RNF122: variants seen among roughly 807,000 people sequenced by gnomAD.
RNF122 encodes the protein ring finger protein 122.
A neutral mutation model predicts 24.2 loss-of-function variants in RNF122; 17 were observed. The observed-to-expected ratio is 0.70, with a 90% CI of 0.48 to 1.06. The LOEUF (loss-of-function observed/expected upper bound fraction) is 1.06. RNF122 is among the 50% of genes least tolerant of loss of function. The pLI, the probability that RNF122 is intolerant of heterozygous loss-of-function variation, is 0.00. For synonymous variants in RNF122, 65 were observed against 71.8 expected, an observed-to-expected ratio of 0.91 and a Z score of 0.48; for missense variants, 168 against 198.1, an observed-to-expected ratio of 0.85 and a Z score of 0.91.
intron 1 of RNF122, among the ~76,000 whole-genome samples, chr8:33,565,520 G>A (rs1003552780): frequency 6.6e-6 from 1 of 152,184 alleles, no homozygotes; most frequent in African/African-American, 2.4e-5. Context: ...GGAGCGGGTG[G>A]GGTGGGGGGC....
intron 1 of RNF122, among the ~76,000 whole-genome samples, chr8:33,562,964 AC>A (rs1810563543): frequency 6.6e-6 from 1 of 151,912 alleles, no homozygotes; most frequent in African/African-American, 2.4e-5. Flanking sequence ...GGTGGTGCAC[AC>A]CTGTAGTCCC....
intron 1 of RNF122, among the ~76,000 whole-genome samples, chr8:33,562,053 C>A (rs185488150): frequency 3.3e-5 from 5 of 152,128 alleles, no homozygotes; most frequent in African/African-American, 1.2e-4. Flanking sequence ...CTGCCTGAAA[C>A]GCTCTCTCTG....
intron 1 of RNF122, among the ~76,000 whole-genome samples, chr8:33,565,158 A>T (rs1406510324): frequency 6.6e-6 from 1 of 152,170 alleles, no homozygotes; most frequent in Non-Finnish European, 1.5e-5. Flanking sequence ...CCCAGATGCT[A>T]GGGTGCAAGG....
chr8:33,559,868 G>C, intron 1 of RNF122, among the ~76,000 whole-genome samples: 1 of 142,380 alleles, frequency 7.0e-6, no homozygotes, highest in East Asian at 2.1e-4. Context: ...TTTAAACAGA[G>C]TCTTGCTCTG....
At chr8:33,555,615 T>C (rs963960294) in intron 2 of RNF122, among the ~76,000 whole-genome samples, 2 of 152,186 alleles carry the variant, frequency 1.3e-5, no homozygotes, top group Admixed American at 6.5e-5. Context: ...TTGTGGAGCC[T>C]ATAGCGGCTC....
In RNF122 at chr8:33,558,751, G is replaced by A. The variant is rs1171047073; in HGVS notation, c.46C>T (p.Leu16=). ...GAGCAGGACTTGTTGGTGCTAACCA[G>A]TCCCAGGCCACAGAAACACCCTGCA... is the stretch of plus-strand genomic sequence containing the variant. ...WCNGCFCGLG[L]VSTNKSCSMP... Residue 16 remains leucine (L), a synonymous_variant, in exon 2 of 6, where the codon CTG becomes TTG. Coordinates refer to ENST00000256257, the MANE Select transcript of RNF122 (RefSeq NM_024787.3). 1.9e-6 allele frequency: 3 copies of A among 1,585,208 alleles called. No homozygotes were observed. The highest frequency in any genetic ancestry group is 1.1e-5 in the South Asian group (1 of 87,590).
chr8:33,567,022 C>T lies in RNF122; in HGVS notation c.-299G>A. The T allele has an allele frequency of 2.1e-6, 1 of 471,902 alleles. No individual in the cohort carries two copies. The highest frequency in any genetic ancestry group is 3.8e-6 in the Non-Finnish European group (1 of 261,756). The allele number at this position is 471,902 out of a possible 1,614,324, so 29.2% of individuals were successfully genotyped here. ...GTGGGGCGCCGCGGGGCGGGGGTGC[C>T]CGGGCTGCAGAAGCCCTCGGCCGGG... On this transcript the variant is annotated 5_prime_UTR_variant, in exon 1 of 6. Coordinates refer to ENST00000256257, the MANE Select transcript of RNF122 (RefSeq NM_024787.3).
chr8:33,564,489 C>T (rs999482659), intron 1 of RNF122, among the ~76,000 whole-genome samples: 1 of 152,128 alleles, frequency 6.6e-6, no homozygotes, highest in African/African-American at 2.4e-5. Context: ...AGGAGGATCC[C>T]TTCAGCCTGG....
Position 33,566,829 on chromosome 8 carries a change from C to A in RNF122, c.-106G>T. 1 of 1,266,210 alleles carries A rather than the reference C, an allele frequency of 7.9e-7. No individual in the cohort carries two copies. 78.4% of individuals were successfully genotyped at this position (1,266,210 alleles called of 1,614,324 possible). ...TGAGGGGCCGCAGGCGGGGTCGGGG[C>A]AGCGCGCTGCAGCCGCCCTGCTGGA... On this transcript the variant is annotated 5_prime_UTR_variant, in exon 1 of 6. Coordinates refer to ENST00000256257, the MANE Select transcript of RNF122 (RefSeq NM_024787.3).
At chr8:33,556,563 G>C (rs1810455095) in intron 2 of RNF122, among the ~76,000 whole-genome samples, 1 of 152,148 alleles carries the variant, frequency 6.6e-6, no homozygotes, top group African/African-American at 2.4e-5. Flanking sequence ...TTGGTATTTG[G>C]TGTATCTTCA....
chr8:33,564,395 A>G (rs1022171087), intron 1 of RNF122, among the ~76,000 whole-genome samples: 2 of 27,826 alleles, frequency 7.2e-5, no homozygotes, highest in African/African-American at 1.2e-3. Flanking sequence ...AAAGTAGATT[A>G]ATTAATTAAT....
chr8:33,560,259 C>T (rs899175032), intron 1 of RNF122, among the ~76,000 whole-genome samples: 2 of 152,164 alleles, frequency 1.3e-5, no homozygotes, highest in Non-Finnish European at 2.9e-5. Context: ...TACTGACTGG[C>T]CTACTCATCA....
chr8:33,561,900 C>T (rs1026385778), intron 1 of RNF122, among the ~76,000 whole-genome samples: 1 of 152,028 alleles, frequency 6.6e-6, no homozygotes, highest in Admixed American at 6.6e-5. Flanking sequence ...GGCTTCAAGT[C>T]CTCCTAAAAC....
intron 2 of RNF122, among the ~76,000 whole-genome samples, chr8:33,555,974 C>T (rs950725954): frequency 6.6e-6 from 1 of 151,954 alleles, no homozygotes; most frequent in African/African-American, 2.4e-5. Context: ...TTGAGACCAC[C>T]TTGGGTGACA....
Position 33,551,352 on chromosome 8 carries a change from A to G in RNF122, c.220T>C (p.Tyr74His), listed in dbSNP as rs1810372140. Residue 74 changes from tyrosine (Y) to histidine (H), a missense_variant, in exon 3 of 6, where the codon TAT (tyrosine) becomes CAT (histidine). Tyr to His is a moderately conservative substitution (Grantham distance 83, BLOSUM62 2). Coordinates refer to ENST00000256257, the MANE Select transcript of RNF122 (RefSeq NM_024787.3). Reference sequence around the variant, plus strand: ...AACACGCAGCACTTTACCTCCTTATATCCGTATCGCTCACTCTGTGCCTGG... The same window carrying G: ...AACACGCAGCACTTTACCTCCTTATGTCCGTATCGCTCACTCTGTGCCTGG... ...RNQAQSERYGYKEVVLKGDAK... is the reference protein window; with the variant it reads ...RNQAQSERYGHKEVVLKGDAK... 1 of 1,614,088 alleles carries G rather than the reference A, an allele frequency of 6.2e-7. No homozygotes were observed. The highest frequency in any genetic ancestry group is 8.5e-7 in the Non-Finnish European group (1 of 1,179,996).
chr8:33,549,935 G>GTTT (rs776996573), intron 4 of RNF122, among the ~76,000 whole-genome samples: 2 of 140,138 alleles, frequency 1.4e-5, no homozygotes, highest in Non-Finnish European at 3.1e-5. Flanking sequence ...GATCAGTTAT[G>GTTT]TTTTTTTTTT....
rs912833996 is a variant in RNF122, at chr8:33,566,444, G to T, written c.25+255C>A. 3.3e-5 allele frequency among the ~76,000 whole-genome samples: 5 copies of T among 152,220 alleles called. 1 individual carries two copies. The highest frequency in any genetic ancestry group is 9.7e-5 in the African/African-American group (4 of 41,448). On this transcript the variant is annotated intron_variant, in intron 1 of 5. Coordinates refer to ENST00000256257, the MANE Select transcript of RNF122 (RefSeq NM_024787.3). ...AGCCGGGCCGCCACACAAAGGCCGG[G>T]AACCCCTCGGCTCCCACGCCCCCGG... is the stretch of plus-strand genomic sequence containing the variant.
At chr8:33,559,142 AT>A (rs1810500917) in intron 1 of RNF122, among the ~76,000 whole-genome samples, 1 of 151,976 alleles carries the variant, frequency 6.6e-6, no homozygotes, top group South Asian at 2.1e-4. Context: ...CTAAAAAAAA[AT>A]AGAAAAATTA....
rs746024052 is a variant in RNF122, at chr8:33,548,782, T to C, written c.439A>G (p.Ile147Val). The change falls in exon 6 of 6, where the codon ATT becomes GTT. Residue 147 changes from isoleucine (I) to valine (V), a missense_variant. By Grantham distance (29) the Ile-to-Val change is conservative. Transcript: ENST00000256257. ...ACCAGCTCATCCAATAGAATCCCAA[T>C]GTTCTGCGTGGCCTCTGAGGGACTA... ...IASPSEATQN[I>V]GILLDELV is the part of the protein sequence containing the mutation. The C allele has an allele frequency of 3.6e-5, 58 of 1,613,530 alleles. No homozygotes were observed. Among genetic ancestry groups the C allele is most frequent in the South Asian group, 9.9e-5 (9 of 91,068 alleles).
Sources: gnomAD v4.1 joint callset for allele counts (sites outside exome capture counted in the v4.1 genomes callset) on GRCh38, gnomAD v4.1.1 for gene constraint, MANE v1.5 for transcripts, NCBI Gene and HGNC (gene_info 2026-07-23, HGNC 2026-07-21) for gene names.